DNM3: variants seen among roughly 807,000 people sequenced by gnomAD.
DNM3 encodes the protein dynamin-3.
DNM3 carries 47 observed loss-of-function variants against 101.6 expected under a neutral mutation model. That is an observed-to-expected ratio of 0.46 (90% confidence interval 0.37 to 0.59). DNM3 has a LOEUF of 0.59. Ranked by LOEUF, DNM3 falls within the 20% of genes least tolerant of loss-of-function variation. The pLI is 0.00. For synonymous variants in DNM3, 385 were observed against 387.9 expected, an observed-to-expected ratio of 0.99 and a Z score of 0.09; for missense variants, 849 against 1,085.7, an observed-to-expected ratio of 0.78 and a Z score of 3.06.
In DNM3 at chr1:172,358,097, T is replaced by A. The variant is rs926509953; in HGVS notation, c.1894-20921T>A. 2.0e-5 allele frequency among the ~76,000 whole-genome samples: 3 copies of A among 152,040 alleles called. No homozygotes were observed. In the East Asian group the frequency reaches 5.8e-4, roughly 29 times the overall value. On this transcript the variant is annotated intron_variant, in intron 17 of 20. Coordinates refer to ENST00000627582, the MANE Select transcript of DNM3 (RefSeq NM_015569.5). ...ACCCTACATCCCAGACCGCTTTTAA[T>A]CCTATTGGGAGGGTATACAGAGAGA...
chr1:172,416,108 A>T (rs2071417626), downstream of DNM3, among the ~76,000 whole-genome samples: 1 of 152,200 alleles, frequency 6.6e-6, no homozygotes, highest in Non-Finnish European at 1.5e-5. Flanking sequence ...CTGAAATTAT[A>T]GTCTTGATTA....
At position 172,166,389 on chromosome 1, in the gene DNM3, C is replaced by T. The variant is rs921521174; in HGVS notation, c.1659+35101C>T. ...TAATCATCATCACTAAAGTACCTCACGACATAAGTTTTATATATGCTGTAA... is the reference window on the plus strand; with the variant it reads ...TAATCATCATCACTAAAGTACCTCATGACATAAGTTTTATATATGCTGTAA... On this transcript the variant is annotated intron_variant, in intron 14 of 20. Coordinates refer to ENST00000627582, the MANE Select transcript of DNM3 (RefSeq NM_015569.5). Among the ~76,000 whole-genome samples, 11 of 152,148 alleles carry T rather than the reference C, an allele frequency of 7.2e-5. No homozygotes were observed. The East Asian group carries it at 9.7e-4, about 13-fold the overall frequency.
chr1:172,271,037 AAAAT>A (rs1448559766), intron 15 of DNM3, among the ~76,000 whole-genome samples: 1 of 152,164 alleles, frequency 6.6e-6, no homozygotes, highest in East Asian at 1.9e-4. Context: ...TTTGCTTCAG[AAAAT>A]AAATAAGTTG....
chr1:172,021,810 C>T (rs1471898769), intron 4 of DNM3, among the ~76,000 whole-genome samples: 1 of 152,196 alleles, frequency 6.6e-6, no homozygotes, highest in African/African-American at 2.4e-5. Context: ...AATTAAAACA[C>T]AATGTCACAA....
chr1:172,100,563 T>A (rs1472159956), intron 13 of DNM3, among the ~76,000 whole-genome samples: 2 of 152,228 alleles, frequency 1.3e-5, no homozygotes, highest in Non-Finnish European at 2.9e-5. Context: ...TCCGCTCAGC[T>A]AATTCCACCT....
intron 2 of DNM3, among the ~76,000 whole-genome samples, chr1:171,932,598 T>C (rs1462402853): frequency 6.6e-6 from 1 of 152,216 alleles, no homozygotes; most frequent in African/African-American, 2.4e-5. Flanking sequence ...TTATTTTTTA[T>C]TGTTCTTTTA....
chr1:172,082,476 C>T (rs188924065), intron 12 of DNM3, among the ~76,000 whole-genome samples: 33 of 152,254 alleles, frequency 2.2e-4, no homozygotes, highest in African/African-American at 7.7e-4. Flanking sequence ...TGGCTATTCA[C>T]TGTGTGACAT....
chr1:172,381,595 G>A (rs1168391874), intron 18 of DNM3, among the ~76,000 whole-genome samples: 7 of 151,676 alleles, frequency 4.6e-5, no homozygotes, highest in Non-Finnish European at 1.5e-5. Context: ...TTATTGTACA[G>A]AATGCCCAAG....
intron 1 of DNM3, chr1:171,864,059 T>G (rs1056693298): frequency 5.3e-5 from 8 of 152,216 alleles, no homozygotes; most frequent in Non-Finnish European, 1.0e-4. Context: ...ATTATCTCAA[T>G]TCCCTTTGCA....
chr1:172,264,253 C>G (rs1418754399), intron 15 of DNM3, among the ~76,000 whole-genome samples: 1 of 152,098 alleles, frequency 6.6e-6, no homozygotes, highest in Admixed American at 6.5e-5. Context: ...CAAGATGAGC[C>G]CTAGTGACAA....
intron 2 of DNM3, among the ~76,000 whole-genome samples, chr1:171,946,898 A>C (rs2042206372): frequency 1.3e-5 from 2 of 152,200 alleles, no homozygotes; most frequent in Non-Finnish European, 2.9e-5. Flanking sequence ...GAACTGATAC[A>C]GCGAGAACTC....
rs1020525162 is a variant in DNM3 at position 172,020,459 on chromosome 1, G to A, written c.590-11943G>A. 3.3e-5 allele frequency among the ~76,000 whole-genome samples: 5 copies of A among 152,154 alleles called. No individual in the cohort carries two copies. In the East Asian group the frequency reaches 9.7e-4, roughly 29 times the overall value. Reference sequence around the variant, plus strand: ...GAATGGACCCCGCGCGGTGGCTCACGCCTGTAATCCCAGCACTTTGGGAGG... The same window carrying A: ...GAATGGACCCCGCGCGGTGGCTCACACCTGTAATCCCAGCACTTTGGGAGG... On this transcript the variant is annotated intron_variant, in intron 4 of 20. Coordinates refer to ENST00000627582, the MANE Select transcript of DNM3 (RefSeq NM_015569.5).
At chr1:171,915,184 G>A (rs540890987) in intron 1 of DNM3, among the ~76,000 whole-genome samples, 1 of 152,206 alleles carries the variant, frequency 6.6e-6, no homozygotes, top group Non-Finnish European at 1.5e-5. Context: ...CTATGCCTCT[G>A]ATGTAGGGTT....
intron 15 of DNM3, chr1:172,289,822 A>C: frequency 2.0e-6 from 2 of 984,322 alleles, no homozygotes; most frequent in Non-Finnish European, 2.4e-6. Context: ...TGGAGTTTTA[A>C]TTTATCTGAA....
intron 2 of DNM3, among the ~76,000 whole-genome samples, chr1:171,945,593 C>T (rs1046832065): frequency 2.6e-5 from 4 of 151,998 alleles, no homozygotes; most frequent in African/African-American, 7.2e-5. Flanking sequence ...GGAAGTTGAC[C>T]GTAGAAGCAG....
chr1:172,006,345 A>G (rs2046688217), intron 4 of DNM3, among the ~76,000 whole-genome samples: 1 of 152,072 alleles, frequency 6.6e-6, no homozygotes, highest in African/African-American at 2.4e-5. Flanking sequence ...TGAAGAAGAA[A>G]TGGGGGATTG....
chr1:172,123,888 A>T (rs1344738844), intron 13 of DNM3, among the ~76,000 whole-genome samples: 2 of 152,154 alleles, frequency 1.3e-5, no homozygotes, highest in South Asian at 4.1e-4. Flanking sequence ...AAGCTCTATC[A>T]GTTCTGCTTC....
chr1:172,159,722 A>G (rs943477966), intron 14 of DNM3, among the ~76,000 whole-genome samples: 1 of 152,092 alleles, frequency 6.6e-6, no homozygotes, highest in African/African-American at 2.4e-5. Flanking sequence ...AATGGCCACA[A>G]TAGATTTTCA....
At chr1:172,106,909 G>A (rs1240588383) in intron 13 of DNM3, among the ~76,000 whole-genome samples, 2 of 133,904 alleles carry the variant, frequency 1.5e-5, no homozygotes, top group Non-Finnish European at 3.1e-5. Flanking sequence ...GCCGGACCGC[G>A]GACTGCAGTG....
Sources: allele counts gnomAD v4.1 joint callset (sites outside exome capture counted in the v4.1 genomes callset), GRCh38; gene constraint gnomAD v4.1.1; transcripts MANE v1.5; gene names NCBI Gene and HGNC (gene_info 2026-07-23, HGNC 2026-07-21).